SPON1: variants seen among roughly 807,000 people sequenced by gnomAD.
SPON1 encodes the protein spondin-1.
In SPON1, 52 loss-of-function variants were observed where a neutral mutation model predicts 111.7. That is an observed-to-expected ratio of 0.47 (90% CI 0.37 to 0.59). SPON1 has a LOEUF of 0.59. Among genes scored for constraint, SPON1 ranks in the 20% least tolerant of loss-of-function variants. SPON1 has a pLI of 0.00. For missense variants in SPON1, 957 were observed against 1,068.5 expected (o/e 0.90, Z 1.46); for synonymous variants, 410 against 395.8 (o/e 1.04, Z -0.43).
intron 3 of SPON1, among the ~76,000 whole-genome samples, chr11:14,048,539 A>T (rs1387822586): frequency 6.6e-6 from 1 of 152,182 alleles, no homozygotes; most frequent in Non-Finnish European, 1.5e-5. Context: ...ACCTGACACC[A>T]TTTCCATTTT....
chr11:14,081,481 T>G lies in SPON1; in HGVS notation c.676+1460T>G, dbSNP rs78335996. On this transcript the variant is annotated intron_variant, in intron 5 of 15. Transcript: ENST00000576479. ...TTTACTGGGGAGGAGAGAGATGTCATGATTTGCCCACATTGAGATGTAAGT... is the reference window on the plus strand; with the variant it reads ...TTTACTGGGGAGGAGAGAGATGTCAGGATTTGCCCACATTGAGATGTAAGT... Among the ~76,000 whole-genome samples, 310 of 152,216 alleles carry G rather than the reference T, an allele frequency of 2.0e-3. 3 individuals carry two copies. The East Asian group carries it at 0.025, about 12-fold the overall frequency.
intron 2 of SPON1, among the ~76,000 whole-genome samples, chr11:14,010,360 C>T (rs1848394697): frequency 6.6e-6 from 1 of 151,846 alleles, no homozygotes; most frequent in Admixed American, 6.6e-5. Context: ...GGATTAAGGG[C>T]AGACTGGGAG....
At chr11:13,994,715 A>T (rs1554911581) in intron 2 of SPON1, among the ~76,000 whole-genome samples, 1 of 152,244 alleles carries the variant, frequency 6.6e-6, no homozygotes, top group East Asian at 1.9e-4. Context: ...GAAACAAACA[A>T]CAATAACAAG....
chr11:14,093,819 A>G (rs1358811449), intron 5 of SPON1, among the ~76,000 whole-genome samples: 2 of 152,320 alleles, frequency 1.3e-5, no homozygotes, highest in East Asian at 3.9e-4. Flanking sequence ...TTTTGTCTTC[A>G]TACTCATATC....
At chr11:14,128,960 A>G (rs1223812028) in intron 5 of SPON1, among the ~76,000 whole-genome samples, 1 of 152,242 alleles carries the variant, frequency 6.6e-6, no homozygotes, top group Non-Finnish European at 1.5e-5. Flanking sequence ...AGCAGCTGGG[A>G]CAGAAGGCAC....
Position 14,265,619 on chromosome 11 carries a change from A to C in SPON1, c.2356A>C (p.Lys786Gln), listed in dbSNP as rs1554942411. 11 of 1,613,796 alleles carry C rather than the reference A, an allele frequency of 6.8e-6. No homozygotes were observed. Among genetic ancestry groups the C allele is most frequent in the Non-Finnish European group, 9.3e-6 (11 of 1,179,832 alleles). ...TTACATGACTGTAAAGAAGAGATTC[A>C]AAAGCTCCCAGTTTACCAGCTGCAA... ...ERYMTVKKRF[K>Q]SSQFTSCKDK... is the part of the protein sequence containing the mutation. Residue 786 changes from lysine to glutamine, a missense_variant, in exon 16 of 16, where the codon AAA becomes CAA. Physicochemically the swap from Lys to Gln is moderately conservative, Grantham distance 53 (BLOSUM62 1). Around this residue, in one of 5 missense-constraint regions of SPON1, gnomAD observed 549 missense variants for 606.2 expected, o/e 0.91. Coordinates refer to ENST00000576479, the MANE Select transcript of SPON1 (RefSeq NM_006108.4).
intron 2 of SPON1, among the ~76,000 whole-genome samples, chr11:14,028,450 GCA>G (rs782261778): frequency 1.5e-4 from 23 of 151,516 alleles, no homozygotes; most frequent in Admixed American, 2.0e-4. Flanking sequence ...TCTAGCCGGG[GCA>G]CAGAGTGAGA....
rs1373142535 is a variant in SPON1 at position 14,259,048 on chromosome 11, C to T, written c.1493-232C>T. Among the ~76,000 whole-genome samples the T allele has an allele frequency of 6.6e-6, 1 of 152,174 alleles. No homozygotes were observed. ...CCATCCTTTCCATACAAGCATCTTT[C>T]GAATGTATTTTCATGAGATAAAGAG... On this transcript the variant is annotated intron_variant, in intron 11 of 15. Coordinates refer to ENST00000576479, the MANE Select transcript of SPON1 (RefSeq NM_006108.4). The surrounding 1 kb of genome is among the most constrained non-coding windows in gnomAD (Gnocchi z 5.0).
At chr11:14,239,454 G>T (rs183218278) in intron 6 of SPON1, among the ~76,000 whole-genome samples, 1 of 152,136 alleles carries the variant, frequency 6.6e-6, no homozygotes, top group Non-Finnish European at 1.5e-5. Flanking sequence ...GGCAGGGCAC[G>T]GTGGCTCACA....
At chr11:14,162,144 C>G (rs543445301) in intron 6 of SPON1, among the ~76,000 whole-genome samples, 1 of 114,402 alleles carries the variant, frequency 8.7e-6, no homozygotes, top group Non-Finnish European at 1.7e-5. Flanking sequence ...GTCAGAAAAG[C>G]AAGACTCTGT....
intron 5 of SPON1, among the ~76,000 whole-genome samples, chr11:14,124,726 A>G (rs888039431): frequency 3.3e-5 from 5 of 152,272 alleles, no homozygotes; most frequent in African/African-American, 9.6e-5. Flanking sequence ...TACATAAAAT[A>G]TAAGACTTTA....
chr11:14,160,538 TATATATATTTA>T (rs1847909345), intron 6 of SPON1, among the ~76,000 whole-genome samples: 1 of 26,114 alleles, frequency 3.8e-5, no homozygotes, highest in Non-Finnish European at 5.6e-5. Flanking sequence ...TATATATTTA[TATATATATTTA>T]TATATATATT....
At chr11:14,005,528 C>G (rs2133795052) in intron 2 of SPON1, among the ~76,000 whole-genome samples, 1 of 152,286 alleles carries the variant, frequency 6.6e-6, no homozygotes, top group East Asian at 1.9e-4. Flanking sequence ...CTTTGATGTT[C>G]TAGACCCTGG....
chr11:14,241,169 A>T (rs919600170), intron 6 of SPON1, among the ~76,000 whole-genome samples: 14 of 152,216 alleles, frequency 9.2e-5, no homozygotes, highest in African/African-American at 3.4e-4. Flanking sequence ...AAGGAGACAG[A>T]AGGCAGGGTT....
intron 6 of SPON1, among the ~76,000 whole-genome samples, chr11:14,153,159 T>G (rs113808051): frequency 2.8e-4 from 42 of 152,374 alleles, no homozygotes; most frequent in African/African-American, 9.6e-4. Flanking sequence ...CATCCTTTAC[T>G]TATTAGATTC....
chr11:14,113,399 T>C (rs1554925621), intron 5 of SPON1, among the ~76,000 whole-genome samples: 2 of 152,074 alleles, frequency 1.3e-5, no homozygotes, highest in Non-Finnish European at 2.9e-5. Context: ...GCTGCCAGCA[T>C]GTGATGGAGG....
chr11:14,199,932 G>A (rs578118039), intron 6 of SPON1, among the ~76,000 whole-genome samples: 1 of 152,270 alleles, frequency 6.6e-6, no homozygotes, highest in Admixed American at 6.5e-5. Flanking sequence ...CCACGCATAT[G>A]TGCCCTGTTC....
intron 6 of SPON1, among the ~76,000 whole-genome samples, chr11:14,144,491 G>A (rs977892189): frequency 1.6e-4 from 25 of 151,936 alleles, no homozygotes; most frequent in African/African-American, 2.4e-4. Flanking sequence ...TTAGCCAGGC[G>A]TGGCGGCAGG....
chr11:14,167,134 A>G (rs7350523), intron 6 of SPON1, among the ~76,000 whole-genome samples: 1 of 152,016 alleles, frequency 6.6e-6, no homozygotes, highest in African/African-American at 2.4e-5. Flanking sequence ...TTACATAAAT[A>G]TAGACCAAAG....
Sources: allele counts gnomAD v4.1 joint callset (sites outside exome capture counted in the v4.1 genomes callset), GRCh38; gene constraint gnomAD v4.1.1; regional missense constraint gnomAD v4.1.1; non-coding constraint Gnocchi (gnomAD v3.1); transcripts MANE v1.5; gene names NCBI Gene and HGNC (gene_info 2026-07-23, HGNC 2026-07-21).